The following ETV7 variants were observed in gnomAD, a reference collection of about 807,000 sequenced individuals.
ETV7 encodes the protein transcription factor ETV7.
Under a neutral mutation model 39.1 loss-of-function variants are expected in ETV7, and 43 were observed. That is an observed-to-expected ratio of 1.10 (90% CI 0.86 to 1.42). The LOEUF is 1.42. Ranked by LOEUF, ETV7 falls within the 40% of genes most tolerant of loss-of-function variation. The probability of loss-of-function intolerance (pLI) is 0.00; values close to 1 mark genes in which losing one functional copy is unlikely to be tolerated. For missense variants in ETV7, 432 were observed against 442.3 expected, an observed-to-expected ratio of 0.98 and a Z score of 0.21; for synonymous variants, 196 against 176.6, an observed-to-expected ratio of 1.11 and a Z score of -0.87.
chr6:36,357,343 C>T (rs951424261), intron 7 of ETV7, among the ~76,000 whole-genome samples: 1 of 152,148 alleles, frequency 6.6e-6, no homozygotes, highest in Non-Finnish European at 1.5e-5. Context: ...AATAAAATAC[C>T]TTGGCAATCT....
Position 36,376,022 on chromosome 6 carries a change from T to C in ETV7, c.156A>G (p.Ala52=). 1 of 1,602,526 alleles carries C rather than the reference T, an allele frequency of 6.2e-7. No individual in the cohort carries two copies. The highest frequency in any genetic ancestry group is 8.5e-7 in the Non-Finnish European group (1 of 1,177,214). The change falls in exon 3 of 8, where the codon GCA becomes GCG. Residue 52 remains alanine, a synonymous_variant. Coordinates refer to ENST00000340181, the MANE Select transcript of ETV7 (RefSeq NM_016135.4). ...KLPGRLRIQP[A]LWSREDVLHW... ...GCAGCACGTCCTCCCTGCTCCACAG[T>C]GCGGGCTGGATGCCTGCAACCAGCA...
Position 36,387,609 on chromosome 6 carries a change from C to G in ETV7, c.-68G>C. On this transcript the variant is annotated 5_prime_UTR_variant, in exon 1 of 8. Transcript: ENST00000340181. ...GCTCCCCTGGCTGTGGCTGCTGGGG[C>G]CCTAGGCCCGCGCCCCGCAGTCCTC... 1.3e-6 allele frequency: 2 copies of G among 1,584,524 alleles called. No homozygotes were observed. The highest frequency in any genetic ancestry group is 1.7e-6 in the Non-Finnish European group (2 of 1,157,006).
chr6:36,358,398 C>A (rs1772394325), intron 7 of ETV7, among the ~76,000 whole-genome samples: 1 of 152,170 alleles, frequency 6.6e-6, no homozygotes, highest in African/African-American at 2.4e-5. Flanking sequence ...TTTTGGTGGC[C>A]AATCAAGACC....
At chr6:36,365,679 G>C (rs1318498735), downstream of ETV7, among the ~76,000 whole-genome samples, 2 of 152,132 alleles carry the variant, frequency 1.3e-5, no homozygotes, top group Non-Finnish European at 2.9e-5. Flanking sequence ...AGGTGGGGCC[G>C]GGGCCTGGCT....
chr6:36,382,353 T>C (rs1487815635), intron 2 of ETV7, among the ~76,000 whole-genome samples: 7 of 152,206 alleles, frequency 4.6e-5, no homozygotes, highest in African/African-American at 1.7e-4. Flanking sequence ...TTAGTAAGTC[T>C]TGACCAGCAC....
At chr6:36,363,485 T>C (rs888932407), downstream of ETV7, among the ~76,000 whole-genome samples, 1 of 151,862 alleles carries the variant, frequency 6.6e-6, no homozygotes, top group African/African-American at 2.4e-5. Context: ...TTCCTCCCGG[T>C]GGGGTCGTGG....
intron 4 of ETV7, among the ~76,000 whole-genome samples, 164 bp downstream of exon 4, chr6:36,373,289 G>T (rs893660931): frequency 1.4e-5 from 2 of 143,700 alleles, no homozygotes; most frequent in African/African-American, 5.1e-5. Flanking sequence ...CAGCACAGAG[G>T]AAGGGCGGCC....
At chr6:36,362,839 G>T (rs1488124343), downstream of ETV7, among the ~76,000 whole-genome samples, 4 of 152,176 alleles carry the variant, frequency 2.6e-5, no homozygotes, top group Admixed American at 6.5e-5. Flanking sequence ...AGGCCTCATC[G>T]CTGGGAAATG....
downstream of ETV7, among the ~76,000 whole-genome samples, chr6:36,363,267 G>C (rs982895912): frequency 6.6e-6 from 1 of 152,262 alleles, no homozygotes; most frequent in East Asian, 1.9e-4. Flanking sequence ...CGTGTTCAGA[G>C]TTTCTTCCTT....
chr6:36,358,664 A>G (rs1222558360), intron 7 of ETV7, among the ~76,000 whole-genome samples: 1 of 152,204 alleles, frequency 6.6e-6, no homozygotes, highest in Non-Finnish European at 1.5e-5. Context: ...TTGGTGCTTT[A>G]GAAGCTCTCT....
chr6:36,372,982 G>A (rs1181248364), intron 4 of ETV7, among the ~76,000 whole-genome samples: 2 of 151,634 alleles, frequency 1.3e-5, no homozygotes, highest in African/African-American at 4.8e-5. Context: ...CAGAAGAGGA[G>A]GTCGAGGAGA....
At chr6:36,354,555 C>T (rs973590313) in exon 8 of ETV7, 17 of 671,074 alleles carry the variant, frequency 2.5e-5, no homozygotes, top group South Asian at 9.8e-5. Context: ...TTGTTGAGTA[C>T]TATAGCTTTG....
rs76787469 is a variant in ETV7 at position 36,378,612 on chromosome 6, T to C, written c.143-2577A>G. ...ACCATAGGTCAAGAGCATCTGTAAA[T>C]TGATTTTTTTAAAGACAAAAAAAAT... On this transcript the variant is annotated intron_variant, in intron 2 of 7. Coordinates refer to ENST00000340181, the MANE Select transcript of ETV7 (RefSeq NM_016135.4). Among the ~76,000 whole-genome samples the C allele has an allele frequency of 3.6e-3, 546 of 152,316 alleles. 1 individual carries two copies. Among genetic ancestry groups the C allele is most frequent in the African/African-American group, 0.012 (510 of 41,570 alleles).
At position 36,373,585 on chromosome 6, in the gene ETV7, G is replaced by T; in HGVS notation, c.308-7C>A. 1.3e-6 allele frequency: 2 copies of T among 1,521,970 alleles called. No homozygotes were observed. The highest frequency in any genetic ancestry group is 4.5e-5 in the Admixed American group (2 of 44,638). 94.3% of individuals were successfully genotyped at this position (1,521,970 alleles called of 1,614,324 possible). ...AGCTCATACAGGACGTCACCTGGAG[G>T]TGGGTGGGAGGGAGGGCAGGCTGCT... is the stretch of plus-strand genomic sequence containing the variant. On this transcript the variant is annotated splice_region_variant and splice_polypyrimidine_tract_variant and intron_variant, in intron 3 of 7. Coordinates refer to ENST00000340181, the MANE Select transcript of ETV7 (RefSeq NM_016135.4).
At chr6:36,382,703 G>A (rs564848251) in intron 2 of ETV7, among the ~76,000 whole-genome samples, 3 of 152,294 alleles carry the variant, frequency 2.0e-5, no homozygotes, top group South Asian at 2.1e-4. Context: ...GAGTCACAGA[G>A]AGGTGTTATC....
chr6:36,365,247 G>A (rs1772674147), downstream of ETV7, among the ~76,000 whole-genome samples: 1 of 152,326 alleles, frequency 6.6e-6, no homozygotes, highest in East Asian at 1.9e-4. Flanking sequence ...GCCCTCAGGA[G>A]GCCCCAATCA....
chr6:36,354,469 T>G, exon 8 of ETV7: 1 of 476,498 alleles, frequency 2.1e-6, no homozygotes, highest in Non-Finnish European at 3.7e-6. Context: ...TTCTTTTGCA[T>G]GTGGACACCC....
At chr6:36,369,488 C>T (rs1772900677) in intron 5 of ETV7, among the ~76,000 whole-genome samples, 9 of 152,214 alleles carry the variant, frequency 5.9e-5, no homozygotes, top group Admixed American at 5.9e-4. Flanking sequence ...ACTCAGCCCC[C>T]TGGACTTCTA....
intron 7 of ETV7, among the ~76,000 whole-genome samples, chr6:36,356,724 C>A (rs111719485): frequency 6.6e-6 from 1 of 152,228 alleles, no homozygotes; most frequent in African/African-American, 2.4e-5. Flanking sequence ...GGGCAGGACA[C>A]TGTGATGGAG....
Sources: allele counts gnomAD v4.1 joint callset (sites outside exome capture counted in the v4.1 genomes callset), GRCh38; gene constraint gnomAD v4.1.1; transcripts MANE v1.5; gene names NCBI Gene and HGNC (gene_info 2026-07-23, HGNC 2026-07-21).